Variants in DRGX observed in about 807,000 individuals in gnomAD.
DRGX encodes the protein dorsal root ganglia homeobox, also known as dorsal root ganglia homeobox protein.
Under a neutral mutation model 28.6 loss-of-function variants are expected in DRGX, and 21 were observed. That is an observed-to-expected ratio of 0.73 (90% CI 0.52 to 1.06). The LOEUF is 1.06. Ranked by LOEUF, DRGX falls within the 50% of genes least tolerant of loss-of-function variation. The pLI, the probability that DRGX is intolerant of heterozygous loss-of-function variation, is 0.00. For synonymous variants in DRGX, 136 were observed against 139.1 expected, an observed-to-expected ratio of 0.98 and a Z score of 0.16; for missense variants, 354 against 343.9, an observed-to-expected ratio of 1.03 and a Z score of -0.23.
chr10:49,394,259 C>T (rs1408576863), intron 2 of DRGX, among the ~76,000 whole-genome samples: 1 of 152,196 alleles, frequency 6.6e-6, no homozygotes, highest in Non-Finnish European at 1.5e-5. Flanking sequence ...TCCTATTGGA[C>T]TCTTAAGAGC....
intron 2 of DRGX, chr10:49,391,706 C>T (rs1052497409): frequency 6.6e-6 from 3 of 455,384 alleles, no homozygotes; most frequent in South Asian, 1.6e-5. Flanking sequence ...TTTCTATTAA[C>T]AAGAATTAAA....
intron 6 of DRGX, among the ~76,000 whole-genome samples, chr10:49,376,044 G>T (rs1328801923): frequency 2.0e-5 from 3 of 152,146 alleles, no homozygotes; most frequent in Non-Finnish European, 4.4e-5. Flanking sequence ...GACAGAAGGT[G>T]CCTGTCAAAG....
At chr10:49,389,289 C>A (rs943172788) in intron 4 of DRGX, among the ~76,000 whole-genome samples, 4 of 152,176 alleles carry the variant, frequency 2.6e-5, no homozygotes, top group African/African-American at 9.7e-5. Context: ...TTAAGAGATA[C>A]TAACATGACC....
chr10:49,393,969 C>T (rs1219766149), intron 2 of DRGX, among the ~76,000 whole-genome samples: 1 of 152,208 alleles, frequency 6.6e-6, no homozygotes, highest in Non-Finnish European at 1.5e-5. Flanking sequence ...TTCTGCCTTA[C>T]CCACTTTGAC....
chr10:49,391,120 G>T (rs200096272), intron 3 of DRGX, 44 bp downstream of exon 3: 44 of 1,584,990 alleles, frequency 2.8e-5, no homozygotes, highest in Non-Finnish European at 3.6e-5. Context: ...ATTTGGGGGA[G>T]GTAGGAAGTA....
intron 6 of DRGX, among the ~76,000 whole-genome samples, chr10:49,367,705 C>T (rs925415290): frequency 6.6e-6 from 1 of 152,184 alleles, no homozygotes; most frequent in Non-Finnish European, 1.5e-5. Flanking sequence ...TGGTCCCAGC[C>T]GAGGCTGAGG....
chr10:49,369,933 C>G (rs1198870147), intron 6 of DRGX, among the ~76,000 whole-genome samples: 2 of 152,094 alleles, frequency 1.3e-5, no homozygotes, highest in Non-Finnish European at 2.9e-5. Context: ...CCCAGCCACA[C>G]CCAGTCCCAC....
At chr10:49,370,174 A>G (rs61848628) in intron 6 of DRGX, among the ~76,000 whole-genome samples, 16,540 of 152,118 alleles carry the variant, frequency 0.11, 959 homozygotes, top group Middle Eastern at 0.2. Context: ...GGAGGCCTAG[A>G]CGAGTGGATC....
At chr10:49,375,327 A>G (rs1283022000) in intron 6 of DRGX, among the ~76,000 whole-genome samples, 3 of 152,216 alleles carry the variant, frequency 2.0e-5, no homozygotes, top group African/African-American at 7.2e-5. Context: ...CCATTTTGGT[A>G]CAAAGTAAAC....
At chr10:49,368,311 C>T (rs537975516) in intron 6 of DRGX, among the ~76,000 whole-genome samples, 15 of 152,364 alleles carry the variant, frequency 9.8e-5, no homozygotes, top group Admixed American at 3.3e-4. Context: ...CCTCCTACCT[C>T]AAGTTTGACT....
In DRGX at chr10:49,364,357, T is replaced by C. The variant is rs1011649433; in HGVS notation, c.*1759A>G. 6.6e-6 allele frequency: 1 copy of C among 152,274 alleles called. No individual in the cohort carries two copies. Among genetic ancestry groups the C allele is most frequent in the Non-Finnish European group, 1.5e-5 (1 of 68,054 alleles). The allele number at this position is 152,274 out of a possible 1,614,324, so 9.4% of individuals were successfully genotyped here. On this transcript the variant is annotated 3_prime_UTR_variant, in exon 7 of 7. Coordinates refer to ENST00000374139, the MANE Select transcript of DRGX (RefSeq NM_001276451.2). Reference sequence around the variant, plus strand: ...GTGTGTAGTTTACTTAATTGTGTTATTGACGATCAAAAGTAATTTCCTGAA... The same window carrying C: ...GTGTGTAGTTTACTTAATTGTGTTACTGACGATCAAAAGTAATTTCCTGAA...
rs1849584329 is a variant in DRGX, at chr10:49,365,133, C to T, written c.*983G>A. 1 of 152,260 alleles carries T rather than the reference C, an allele frequency of 6.6e-6. No homozygotes were observed. Among genetic ancestry groups the T allele is most frequent in the South Asian group, 2.1e-4 (1 of 4,834 alleles). The allele number at this position is 152,260 out of a possible 1,614,324, so 9.4% of individuals were successfully genotyped here. On this transcript the variant is annotated 3_prime_UTR_variant, in exon 7 of 7. Coordinates refer to ENST00000374139, the MANE Select transcript of DRGX (RefSeq NM_001276451.2). Reference sequence around the variant, plus strand: ...ACATACGCCGTTCCTGTCTCCTTTCCTACTTTTTTTTCCCCAGTAAAAAAC... The same window carrying T: ...ACATACGCCGTTCCTGTCTCCTTTCTTACTTTTTTTTCCCCAGTAAAAAAC...
chr10:49,385,321 C>A (rs1191775704), intron 6 of DRGX, among the ~76,000 whole-genome samples: 1 of 152,192 alleles, frequency 6.6e-6, no homozygotes, highest in East Asian at 1.9e-4. Context: ...AAGGGCTCCA[C>A]CTCTTGCAGT....
Position 49,392,923 on chromosome 10 carries a change from C to G in DRGX, c.35-1662G>C, listed in dbSNP as rs924617883. ...AGAAAAAATGAGGTGCATAAAGACACCCAGTACAGATATGAGTATCATAAG... is the reference window on the plus strand; with the variant it reads ...AGAAAAAATGAGGTGCATAAAGACAGCCAGTACAGATATGAGTATCATAAG... On this transcript the variant is annotated intron_variant, in intron 2 of 6. Transcript: ENST00000374139. Among the ~76,000 whole-genome samples, 9 of 152,078 alleles carry G rather than the reference C, an allele frequency of 5.9e-5. 1 individual carries two copies. Among genetic ancestry groups the G allele is most frequent in the Admixed American group, 5.2e-4 (8 of 15,274 alleles).
intron 6 of DRGX, among the ~76,000 whole-genome samples, chr10:49,381,208 C>A (rs1849772693): frequency 6.6e-6 from 1 of 152,230 alleles, no homozygotes; most frequent in Non-Finnish European, 1.5e-5. Context: ...AGCTTCCTGA[C>A]TCGAGGCAGC....
chr10:49,366,098 G>A lies in DRGX; in HGVS notation c.*18C>T. 1 of 1,530,860 alleles carries A rather than the reference G, an allele frequency of 6.5e-7. No homozygotes were observed. The highest frequency in any genetic ancestry group is 8.8e-7 in the Non-Finnish European group (1 of 1,134,914). The allele number at this position is 1,530,860 out of a possible 1,614,324, so 94.8% of individuals were successfully genotyped here. On this transcript the variant is annotated 3_prime_UTR_variant, in exon 7 of 7. Transcript: ENST00000374139. ...GGAGGGGCGGGGGAGGGCAGGCCGG[G>A]CGGGGCACTGTGGACCCTCATACAC...
At chr10:49,395,305 C>T (rs1849954671) in intron 2 of DRGX, 102 bp downstream of exon 2, 2 of 1,458,042 alleles carry the variant, frequency 1.4e-6, no homozygotes, top group Non-Finnish European at 1.9e-6. Flanking sequence ...GCTGCGCCCC[C>T]CGCAGGGCGG....
Position 49,365,808 on chromosome 10 carries a change from C to T in DRGX, c.*308G>A. On this transcript the variant is annotated 3_prime_UTR_variant, in exon 7 of 7. Transcript: ENST00000374139. ...GGAAGGGAGACGGATGAGGAATCTA[C>T]CTCCCTCCGAGACTCTGGGCCTGGA... 1 of 282,854 alleles carries T rather than the reference C, an allele frequency of 3.5e-6. No individual in the cohort carries two copies. Among genetic ancestry groups the T allele is most frequent in the Non-Finnish European group, 6.5e-6 (1 of 153,744 alleles). 17.5% of individuals were successfully genotyped at this position (282,854 alleles called of 1,614,324 possible). A position where few individuals can be genotyped will look rare whatever the true frequency, so the allele number is the denominator to read the frequency against.
intron 4 of DRGX, 135 bp from the exon 5 acceptor site, chr10:49,386,993 C>A (rs1263968928): frequency 7.9e-5 from 82 of 1,033,888 alleles, no homozygotes; most frequent in Non-Finnish European, 1.1e-4. Flanking sequence ...ACTGCAGCGT[C>A]AGGCCCACAG....
Sources: gnomAD v4.1 joint callset for allele counts (sites outside exome capture counted in the v4.1 genomes callset) on GRCh38, gnomAD v4.1.1 for gene constraint, MANE v1.5 for transcripts, NCBI Gene and HGNC (gene_info 2026-07-23, HGNC 2026-07-21) for gene names.